The following CLXN variants were observed in gnomAD, a reference collection of about 807,000 sequenced individuals.
CLXN encodes the protein calaxin.
the CLXN span, among the ~76,000 whole-genome samples, chr8:48,727,131 C>G: frequency 6.7e-6 from 1 of 148,848 alleles, no homozygotes; most frequent in South Asian, 2.2e-4. Context: ...CACCCACACA[C>G]CCACATCACC....
At chr8:48,721,073 G>T in the CLXN span, among the ~76,000 whole-genome samples, 1 of 151,960 alleles carries the variant, frequency 6.6e-6, no homozygotes, top group Non-Finnish European at 1.5e-5. Context: ...AACAACAACA[G>T]CAACAACAAC....
At chr8:48,712,722 C>A in the CLXN span, among the ~76,000 whole-genome samples, 4 of 152,062 alleles carry the variant, frequency 2.6e-5, no homozygotes, top group Admixed American at 2.0e-4. Context: ...AAAGTTTGGC[C>A]GGGCGTGGTG....
chr8:48,715,159 C>A, the CLXN span: 2 of 152,162 alleles, frequency 1.3e-5, no homozygotes, highest in Non-Finnish European at 2.9e-5. Flanking sequence ...GAATATTAAT[C>A]AATATTTTCA....
At chr8:48,733,685 T>C in the CLXN span, among the ~76,000 whole-genome samples, 1 of 152,200 alleles carries the variant, frequency 6.6e-6, no homozygotes, top group Non-Finnish European at 1.5e-5. Context: ...TGAAAATTTT[T>C]TAGTAAACAA....
the CLXN span, chr8:48,713,554 A>C: frequency 6.6e-6 from 1 of 152,150 alleles, no homozygotes; most frequent in Non-Finnish European, 1.5e-5. Flanking sequence ...TCTTTAATAC[A>C]AATGATATAA....
At chr8:48,717,645 AC>A in the CLXN span, among the ~76,000 whole-genome samples, 2 of 152,222 alleles carry the variant, frequency 1.3e-5, no homozygotes, top group African/African-American at 4.8e-5. Flanking sequence ...ATAATGCAAC[AC>A]TGTAGTATGT....
chr8:48,723,641 C>T, the CLXN span: 8,222 of 152,346 alleles, frequency 0.054, 338 homozygotes, highest in African/African-American at 0.11. Context: ...TAACCTGGCC[C>T]TGTCTTTTTC....
chr8:48,714,876 A>G, the CLXN span: 1 of 152,234 alleles, frequency 6.6e-6, no homozygotes, highest in South Asian at 2.1e-4. Flanking sequence ...AGTGTTCAGT[A>G]TTAGAATTAT....
the CLXN span, chr8:48,715,885 C>T: frequency 6.6e-6 from 1 of 152,238 alleles, no homozygotes; most frequent in African/African-American, 2.4e-5. Flanking sequence ...GTAACCAACC[C>T]CAAAGAAATG....
the CLXN span, among the ~76,000 whole-genome samples, chr8:48,726,645 C>T: frequency 7.5e-6 from 1 of 133,224 alleles, no homozygotes; most frequent in Non-Finnish European, 1.6e-5. Context: ...ACCCACCTCA[C>T]CCATCCACCC....
At chr8:48,731,537 C>G in the CLXN span, 1 of 1,533,712 alleles carries the variant, frequency 6.5e-7, no homozygotes, top group Non-Finnish European at 8.8e-7. Context: ...CAAAAATGAA[C>G]CCTTAATCTT....
the CLXN span, chr8:48,715,630 G>C: frequency 2.6e-5 from 4 of 152,100 alleles, no homozygotes; most frequent in African/African-American, 9.7e-5. Flanking sequence ...ATGACTGATG[G>C]TGCCCACAGT....
At chr8:48,726,279 C>A in the CLXN span, among the ~76,000 whole-genome samples, 2 of 149,668 alleles carry the variant, frequency 1.3e-5, no homozygotes, top group African/African-American at 4.9e-5. Context: ...ATCCATCCAT[C>A]CATCCATCCA....
chr8:48,729,665 A>G, the CLXN span: 2 of 1,463,470 alleles, frequency 1.4e-6, no homozygotes, highest in Non-Finnish European at 1.9e-6. Flanking sequence ...TCTTATTTCT[A>G]GCCCATATCT....
the CLXN span, chr8:48,735,278 C>A: frequency 6.4e-6 from 7 of 1,092,956 alleles, no homozygotes; most frequent in South Asian, 8.2e-5. Context: ...TGATCTCGTG[C>A]GCGGCCCTAA....
At chr8:48,729,185 G>T in the CLXN span, 1 of 1,484,040 alleles carries the variant, frequency 6.7e-7, no homozygotes, top group South Asian at 1.2e-5. Context: ...CACGTAAAAT[G>T]ATTACTGCAA....
chr8:48,731,203 T>G, the CLXN span: 1 of 784,278 alleles, frequency 1.3e-6, no homozygotes, highest in East Asian at 3.2e-5. Context: ...TTTTCTATGA[T>G]CTTCTCAAAA....
the CLXN span, among the ~76,000 whole-genome samples, chr8:48,733,207 T>C: frequency 5.9e-5 from 9 of 152,238 alleles, no homozygotes; most frequent in Non-Finnish European, 1.0e-4. Context: ...ACTCTGTTCA[T>C]GTACATAAAA....
At chr8:48,726,065 C>T in the CLXN span, among the ~76,000 whole-genome samples, 1 of 148,800 alleles carries the variant, frequency 6.7e-6, no homozygotes, top group Non-Finnish European at 1.5e-5. Flanking sequence ...CCCATCCACC[C>T]ACCTCACCCA....
Sources: gnomAD v4.1 joint callset for allele counts (sites outside exome capture counted in the v4.1 genomes callset) on GRCh38, gnomAD v4.1.1 for gene constraint, MANE v1.5 for transcripts, NCBI Gene and HGNC (gene_info 2026-07-23, HGNC 2026-07-21) for gene names.